Variants in CDKAL1 observed in about 807,000 individuals in gnomAD.
CDKAL1 encodes CDKAL1 threonylcarbamoyladenosine tRNA methylthiotransferase, also known as threonylcarbamoyladenosine tRNA methylthiotransferase.
CDKAL1 carries 32 observed loss-of-function variants against 68.2 expected under a neutral mutation model. The ratio of observed to expected loss-of-function variants is 0.47; its 90% CI spans 0.35 to 0.63. The LOEUF (loss-of-function observed/expected upper bound fraction) is 0.63. Ranked by LOEUF, CDKAL1 falls within the 30% of genes least tolerant of loss-of-function variation. CDKAL1 has a pLI of 0.00. For missense variants in CDKAL1, 606 were observed against 696.7 expected, an observed-to-expected ratio of 0.87 and a Z score of 1.47; for synonymous variants, 234 against 244.3, an observed-to-expected ratio of 0.96 and a Z score of 0.39.
intron 5 of CDKAL1, among the ~76,000 whole-genome samples, chr6:20,693,335 G>C (rs1770959479): frequency 6.6e-6 from 1 of 151,962 alleles, no homozygotes. Context: ...ACTAACCATT[G>C]TTGAAACTTG....
At chr6:21,229,650 C>G (rs986057136) in intron 15 of CDKAL1, among the ~76,000 whole-genome samples, 2 of 152,180 alleles carry the variant, frequency 1.3e-5, no homozygotes, top group African/African-American at 4.8e-5. Context: ...CTCTGGGCTG[C>G]CCCTCCGCCC....
At chr6:20,767,451 T>G (rs1774750054) in intron 7 of CDKAL1, among the ~76,000 whole-genome samples, 1 of 152,088 alleles carries the variant, frequency 6.6e-6, no homozygotes, top group Non-Finnish European at 1.5e-5. Context: ...ATAGAAATTA[T>G]CATCTTCAAT....
intron 9 of CDKAL1, among the ~76,000 whole-genome samples, chr6:20,950,842 C>T (rs937617052): frequency 1.6e-4 from 24 of 151,784 alleles, no homozygotes; most frequent in Non-Finnish European, 5.9e-5. Context: ...TGGTGGTGTG[C>T]GCCTGTAATC....
chr6:21,160,620 G>A lies in CDKAL1; in HGVS notation c.1300-37401G>A, dbSNP rs1202912502. ...CAAGATTTTTTTTTTTTTATTCACTGTAATTTTTGGACACAGACACACACA... is the reference window on the plus strand; with the variant it reads ...CAAGATTTTTTTTTTTTTATTCACTATAATTTTTGGACACAGACACACACA... On this transcript the variant is annotated intron_variant, in intron 13 of 15. Coordinates refer to ENST00000274695, the MANE Select transcript of CDKAL1 (RefSeq NM_017774.3). 1.1e-4 allele frequency among the ~76,000 whole-genome samples: 15 copies of A among 139,766 alleles called. No individual in the cohort carries two copies. The East Asian group carries it at 3.2e-3, about 30-fold the overall frequency. 91.7% of individuals were successfully genotyped at this position (139,766 alleles called of 152,430 possible). A position where few individuals can be genotyped will look rare whatever the true frequency, so the allele number is the denominator to read the frequency against.
At chr6:20,609,468 T>G (rs1293003756) in intron 4 of CDKAL1, among the ~76,000 whole-genome samples, 2 of 148,814 alleles carry the variant, frequency 1.3e-5, no homozygotes, top group Non-Finnish European at 3.0e-5. Flanking sequence ...CAGTCTCGAC[T>G]CACTGCAGCC....
chr6:20,592,572 G>A (rs1461773491), intron 4 of CDKAL1, among the ~76,000 whole-genome samples: 7 of 151,408 alleles, frequency 4.6e-5, no homozygotes, highest in Non-Finnish European at 1.5e-5. Flanking sequence ...GGGTTCAAGC[G>A]ATTCTCCTGC....
At chr6:20,821,130 G>A (rs1008831121) in intron 8 of CDKAL1, among the ~76,000 whole-genome samples, 1 of 152,094 alleles carries the variant, frequency 6.6e-6, no homozygotes, top group Non-Finnish European at 1.5e-5. Context: ...GGTAGGAAAT[G>A]AGACTGGGAG....
intron 4 of CDKAL1, among the ~76,000 whole-genome samples, chr6:20,642,540 A>G (rs559601290): frequency 1.3e-5 from 2 of 151,472 alleles, no homozygotes; most frequent in East Asian, 3.9e-4. Context: ...GCTCACTCAT[A>G]ATAAGAAAAA....
chr6:21,087,994 G>A (rs1772793502), intron 12 of CDKAL1, among the ~76,000 whole-genome samples: 1 of 152,102 alleles, frequency 6.6e-6, no homozygotes, highest in Non-Finnish European at 1.5e-5. Context: ...AGGGCCATGG[G>A]TTGTTTAGGA....
chr6:21,102,461 C>G (rs1424282699), intron 12 of CDKAL1, among the ~76,000 whole-genome samples: 1 of 152,156 alleles, frequency 6.6e-6, no homozygotes, highest in East Asian at 1.9e-4. Flanking sequence ...TTCTTCATTT[C>G]CTATCCCTGA....
chr6:20,718,866 C>A lies in CDKAL1; in HGVS notation c.372-20653C>A, dbSNP rs79115620. On this transcript the variant is annotated intron_variant, in intron 5 of 15. Transcript: ENST00000274695. ...TTACTATTTGGAAAAGAAAAAATGT[C>A]TAATGACGTCATCTACTACTGTGGT... Among the ~76,000 whole-genome samples the A allele has an allele frequency of 5.9e-3, 902 of 152,232 alleles. 10 individuals are homozygous for A. The highest frequency in any genetic ancestry group is 0.02 in the African/African-American group (843 of 41,544).
chr6:20,732,280 T>G (rs1413468045), intron 5 of CDKAL1, among the ~76,000 whole-genome samples: 1 of 131,726 alleles, frequency 7.6e-6, no homozygotes, highest in Non-Finnish European at 1.7e-5. Flanking sequence ...TTTTTTTTTT[T>G]TTTTTGTTGT....
In CDKAL1 at chr6:20,586,475, TA is replaced by T. The variant is rs199661969; in HGVS notation, c.286+37775del. ...CAATGTGGTGAAACCCCATCTCTAC[TA>T]AAAATACAAAAATTAGCCAGGCTTG... On this transcript the variant is annotated intron_variant, in intron 4 of 15. Transcript: ENST00000274695. Among the ~76,000 whole-genome samples the T allele has an allele frequency of 3.4e-3, 512 of 152,204 alleles. 4 individuals are homozygous for T. Among genetic ancestry groups the T allele is most frequent in the African/African-American group, 0.01 (433 of 41,540 alleles).
intron 8 of CDKAL1, chr6:20,800,530 A>G (rs1776323455): frequency 6.6e-6 from 1 of 152,182 alleles, no homozygotes; most frequent in Admixed American, 6.5e-5. Context: ...TGATGTTTTC[A>G]TATATATGTA....
chr6:20,656,923 A>T (rs1346429289), intron 5 of CDKAL1, among the ~76,000 whole-genome samples: 1 of 152,222 alleles, frequency 6.6e-6, no homozygotes, highest in African/African-American at 2.4e-5. Flanking sequence ...ACTTTTGATC[A>T]TCACAACTAA....
chr6:21,033,282 T>A (rs548528893), intron 11 of CDKAL1, among the ~76,000 whole-genome samples: 1 of 152,194 alleles, frequency 6.6e-6, no homozygotes, highest in South Asian at 2.1e-4. Context: ...ATTGATGAGA[T>A]CAGCACTGGC....
intron 11 of CDKAL1, among the ~76,000 whole-genome samples, chr6:21,042,766 C>A (rs950771440): frequency 6.6e-6 from 1 of 152,148 alleles, no homozygotes; most frequent in Non-Finnish European, 1.5e-5. Flanking sequence ...CGTTTTCCTC[C>A]CCACAAAAGC....
chr6:21,086,002 A>ATC (rs548566579), intron 12 of CDKAL1, among the ~76,000 whole-genome samples: 303 of 152,330 alleles, frequency 2.0e-3, no homozygotes, highest in African/African-American at 7.1e-3. Context: ...TGAAGGAAGA[A>ATC]TCTCTATGAC....
At chr6:20,878,262 C>T (rs1697111469) in intron 9 of CDKAL1, among the ~76,000 whole-genome samples, 5 of 152,100 alleles carry the variant, frequency 3.3e-5, no homozygotes, top group Admixed American at 2.0e-4. Context: ...GAGACCCAGG[C>T]TTTAGATAGT....
Sources: allele counts gnomAD v4.1 joint callset (sites outside exome capture counted in the v4.1 genomes callset), GRCh38; gene constraint gnomAD v4.1.1; transcripts MANE v1.5; gene names NCBI Gene and HGNC (gene_info 2026-07-23, HGNC 2026-07-21).